GPM6B: variants seen among roughly 807,000 people sequenced by gnomAD.
GPM6B encodes glycoprotein M6B, also known as neuronal membrane glycoprotein M6-b.
A neutral mutation model predicts 27.2 loss-of-function variants in GPM6B; 4 were observed. That is an observed-to-expected ratio of 0.15 (90% CI 0.07 to 0.34). The LOEUF (loss-of-function observed/expected upper bound fraction) is 0.34, where lower values mean the gene tolerates loss of function less well. GPM6B is among the 10% of genes least tolerant of loss of function. The pLI, the probability that GPM6B is intolerant of heterozygous loss-of-function variation, is 1.00. For synonymous variants in GPM6B, 124 were observed against 103.1 expected, an observed-to-expected ratio of 1.20 and a Z score of -1.23; for missense variants, 183 against 261.9, an observed-to-expected ratio of 0.70 and a Z score of 2.08.
At chrX:13,799,175 C>T (rs2048870305) in intron 2 of GPM6B, among the ~76,000 whole-genome samples, 1 of 98,934 alleles carries the variant, frequency 1.0e-5, no homozygotes, top group African/African-American at 3.8e-5. Flanking sequence ...CTAGAAACCT[C>T]GATTAGCCAA....
intron 2 of GPM6B, among the ~76,000 whole-genome samples, chrX:13,798,750 T>C (rs1347871673): frequency 8.9e-6 from 1 of 112,783 alleles, no homozygotes; most frequent in Admixed American, 9.3e-5. Flanking sequence ...ACTCAAAGCG[T>C]AGGACCTAGC....
chrX:13,787,518 T>C (rs1326330956), intron 2 of GPM6B, among the ~76,000 whole-genome samples: 4 of 111,547 alleles, frequency 3.6e-5, no homozygotes, highest in African/African-American at 1.3e-4. Context: ...ATTGCGCCAC[T>C]GAACTTCCAG....
At chrX:13,798,139 T>G (rs749946365) in intron 2 of GPM6B, among the ~76,000 whole-genome samples, 1 of 110,826 alleles carries the variant, frequency 9.0e-6, no homozygotes, top group South Asian at 3.9e-4. Context: ...CAAGAAAGCG[T>G]TTTCAGAAGA....
intron 1 of GPM6B, among the ~76,000 whole-genome samples, chrX:13,808,429 C>T (rs1362091185): frequency 8.9e-6 from 1 of 112,196 alleles, no homozygotes; most frequent in Non-Finnish European, 1.9e-5. Flanking sequence ...ACAGCTGGCA[C>T]TCCCTGAGGA....
chrX:13,781,786 T>C (rs1370048844), intron 4 of GPM6B, among the ~76,000 whole-genome samples: 1 of 111,975 alleles, frequency 8.9e-6, no homozygotes, highest in Non-Finnish European at 1.9e-5. Context: ...AAAACCAAGC[T>C]GTGCCCTGAC....
chrX:13,772,886 T>C lies in GPM6B; in HGVS notation c.982A>G (p.Thr328Ala), dbSNP rs1005547808. 3 of 1,210,230 alleles carry C rather than the reference T, an allele frequency of 2.5e-6. No homozygotes were observed. The African/African-American group carries it at 5.2e-5, about 21-fold the overall frequency. Residue 328 changes from threonine (T) to alanine (A), a missense_variant, in exon 8 of 8, where the codon ACA (threonine) becomes GCA (alanine). By Grantham distance (58) the Thr-to-Ala change is moderately conservative (BLOSUM62 0). Coordinates refer to ENST00000316715, the MANE Select transcript of GPM6B (RefSeq NM_001001995.3). ...CGAAACACTCTGGCAAACATTTATG[T>C]GTAAGAATTGAGTTGTTCTTTTGAC... ...SRSKEQLNSYT is the reference protein window; with the variant it reads ...SRSKEQLNSYA
chrX:13,912,645 A>G (rs982617993), intron 1 of GPM6B, among the ~76,000 whole-genome samples: 4 of 112,412 alleles, frequency 3.6e-5, no homozygotes, highest in African/African-American at 1.3e-4. Context: ...AATAATGTGA[A>G]GGCAAAAGAG....
At chrX:13,897,404 A>G (rs1450467109) in intron 1 of GPM6B, among the ~76,000 whole-genome samples, 1 of 112,121 alleles carries the variant, frequency 8.9e-6, no homozygotes, top group African/African-American at 3.2e-5. Flanking sequence ...TACTTGACAG[A>G]AAAAAAGCTC....
chrX:13,927,932 C>T (rs1921291279), intron 1 of GPM6B, among the ~76,000 whole-genome samples: 2 of 112,047 alleles, frequency 1.8e-5, no homozygotes, highest in African/African-American at 3.2e-5. Context: ...ATGCTTTCCA[C>T]TTAAAATAGA....
At chrX:13,938,604 G>A (rs1921969976), upstream of GPM6B, 1 of 433,395 alleles carries the variant, frequency 2.3e-6, no homozygotes, top group Admixed American at 6.1e-5. Flanking sequence ...GGTCTCGCGG[G>A]CACGTGCGCT....
At chrX:13,925,950 G>A (rs1376749879) in intron 1 of GPM6B, among the ~76,000 whole-genome samples, 2 of 107,511 alleles carry the variant, frequency 1.9e-5, no homozygotes, top group Non-Finnish European at 3.8e-5. Flanking sequence ...AGCTACTCAG[G>A]AGGCTGAGGC....
chrX:13,865,067 C>T, intron 1 of GPM6B, among the ~76,000 whole-genome samples: 1 of 111,273 alleles, frequency 9.0e-6, no homozygotes, highest in Non-Finnish European at 1.9e-5. Flanking sequence ...TATTTTGGAC[C>T]ACTGTTGACC....
intron 1 of GPM6B, among the ~76,000 whole-genome samples, chrX:13,894,524 G>A (rs1344318243): frequency 8.9e-6 from 1 of 111,995 alleles, no homozygotes; most frequent in East Asian, 2.8e-4. Context: ...TTACTATAGG[G>A]TTAGAAACGA....
At chrX:13,803,395 A>G (rs6633355) in intron 2 of GPM6B, among the ~76,000 whole-genome samples, 3,131 of 109,984 alleles carry the variant, frequency 0.028, 103 homozygotes, top group African/African-American at 0.097. Flanking sequence ...CCAACACTCC[A>G]GAGGGCCCTC....
At chrX:13,802,762 A>G (rs2048946601) in intron 2 of GPM6B, among the ~76,000 whole-genome samples, 1 of 111,726 alleles carries the variant, frequency 9.0e-6, no homozygotes, top group African/African-American at 3.3e-5. Context: ...CACTGTGTTC[A>G]CCATTTACCT....
At chrX:13,785,518 C>G in intron 3 of GPM6B, 104 bp downstream of exon 3, 3 of 778,365 alleles carry the variant, frequency 3.9e-6, no homozygotes, top group Non-Finnish European at 5.8e-6. Context: ...GAACTCCTGA[C>G]TTCAGGTGAT....
chrX:13,783,240 A>G (rs1234689925), intron 4 of GPM6B, 125 bp downstream of exon 4: 9 of 524,543 alleles, frequency 1.7e-5, no homozygotes, highest in Non-Finnish European at 2.8e-5. Context: ...GGTAAAGCCA[A>G]TATTTGTGTC....
chrX:13,817,014 T>C lies in GPM6B; in HGVS notation c.-110A>G. ...CCGTCTCTTATTTACACCCGTCTGA[T>C]TGAGAGGCTCTGTTCTTCACTACAG... On this transcript the variant is annotated 5_prime_UTR_variant, in exon 1 of 8. Coordinates refer to ENST00000316715, the MANE Select transcript of GPM6B (RefSeq NM_001001995.3). The C allele has an allele frequency of 8.8e-7, 1 of 1,131,175 alleles. No homozygotes were observed. The highest frequency in any genetic ancestry group is 1.2e-6 in the Non-Finnish European group (1 of 859,449). The allele number at this position is 1,131,175 out of a possible 1,213,427, so 93.2% of individuals were successfully genotyped here.
At chrX:13,905,151 A>G (rs2050317136) in intron 1 of GPM6B, among the ~76,000 whole-genome samples, 1 of 103,106 alleles carries the variant, frequency 9.7e-6, no homozygotes, top group Admixed American at 1.1e-4. Flanking sequence ...GGATCGTTTG[A>G]GCCCAGGAGG....
Sources: gnomAD v4.1 joint callset for allele counts (sites outside exome capture counted in the v4.1 genomes callset) on GRCh38, gnomAD v4.1.1 for gene constraint, MANE v1.5 for transcripts, NCBI Gene and HGNC (gene_info 2026-07-23, HGNC 2026-07-21) for gene names.